Variants in LAMA1 observed in about 807,000 individuals in gnomAD.
The protein encoded by LAMA1 is laminin subunit alpha-1.
Under a neutral mutation model 348.7 loss-of-function variants are expected in LAMA1, and 219 were observed. That is an observed-to-expected ratio of 0.63 (90% confidence interval 0.56 to 0.70). LAMA1 has a LOEUF of 0.70. LAMA1 is among the 30% of genes least tolerant of loss of function. The pLI is 0.00. For synonymous variants in LAMA1, 1,487 were observed against 1,491.0 expected (o/e 1.00, Z 0.06); for missense variants, 3,744 against 3,888.0 (o/e 0.96, Z 0.99).
chr18:7,107,364 C>T (rs933102717), intron 1 of LAMA1, among the ~76,000 whole-genome samples: 4 of 152,008 alleles, frequency 2.6e-5, no homozygotes, highest in Non-Finnish European at 4.4e-5. Context: ...GTGATCCACC[C>T]GCCTCCGCCT....
At chr18:7,019,285 C>T (rs1273913106) in intron 19 of LAMA1, among the ~76,000 whole-genome samples, 1 of 152,114 alleles carries the variant, frequency 6.6e-6, no homozygotes, top group Non-Finnish European at 1.5e-5. Flanking sequence ...ACCCCGTGAC[C>T]TCCCTCTCCC....
At chr18:7,117,605 C>T (rs2058363094) in intron 1 of LAMA1, 55 bp downstream of exon 1, 8 of 1,563,510 alleles carry the variant, frequency 5.1e-6, no homozygotes, top group South Asian at 1.1e-5. Flanking sequence ...TCCGCGGCCG[C>T]CCCCGCCCGC....
chr18:6,984,426 T>A (rs960250109), intron 39 of LAMA1, among the ~76,000 whole-genome samples: 30 of 152,150 alleles, frequency 2.0e-4, no homozygotes, highest in African/African-American at 6.8e-4. Flanking sequence ...ATTATGTAAA[T>A]CACTGATAAC....
Position 7,050,644 on chromosome 18 carries a change from G to A in LAMA1, c.588+50C>T, listed in dbSNP as rs187368545. 4,269 of 1,611,906 alleles carry A rather than the reference G, an allele frequency of 2.6e-3. 10 individuals are homozygous for A. The highest frequency in any genetic ancestry group is 2.6e-3 in the Non-Finnish European group (3,081 of 1,179,802). On this transcript the variant is annotated intron_variant, in intron 4 of 62. Transcript: ENST00000389658. ...GAGATCAATTTTGAGTCTGAGACAG[G>A]GAGACTCTGATGAGGAAACAGATCT...
chr18:7,093,149 G>A (rs994859071), intron 1 of LAMA1, among the ~76,000 whole-genome samples: 23 of 152,300 alleles, frequency 1.5e-4, no homozygotes, highest in African/African-American at 5.1e-4. Context: ...GGGCACAGTG[G>A]CTCACGCCTG....
chr18:7,085,018 T>A (rs776944283), intron 1 of LAMA1, among the ~76,000 whole-genome samples: 5 of 151,564 alleles, frequency 3.3e-5, no homozygotes, highest in Non-Finnish European at 7.4e-5. Flanking sequence ...AAGTATGAGG[T>A]TTTTTTTCCA....
Position 6,964,698 on chromosome 18 carries a change from A to C in LAMA1, c.7301T>G (p.Ile2434Ser). The C allele has an allele frequency of 1.9e-6, 3 of 1,613,998 alleles. No homozygotes were observed. The highest frequency in any genetic ancestry group is 2.5e-6 in the Non-Finnish European group (3 of 1,179,920). ...SDLNRLDKDP[I>S]YVGGLPRSRV... The stretch of plus-strand genomic sequence containing the variant: ...TGACCTTGGTAATCCACCCACATAA[A>C]TCGGGTCCTTGTCTAGGCGGTTGAG... The change falls in exon 51 of 63, where the codon ATT becomes AGT. Residue 2434 changes from isoleucine to serine, a missense_variant. By Grantham distance (142) the Ile-to-Ser change is moderately radical (BLOSUM62 -2). Transcript: ENST00000389658.
At chr18:7,047,643 G>A (rs1004859201) in intron 5 of LAMA1, among the ~76,000 whole-genome samples, 4 of 152,032 alleles carry the variant, frequency 2.6e-5, no homozygotes, top group Admixed American at 2.6e-4. Context: ...AAGACCTACT[G>A]TAAAGCTACA....
Position 7,009,241 on chromosome 18 carries a change from G to C in LAMA1, c.3999C>G (p.Ser1333Arg). The part of the protein sequence containing the change: ...KASYGQGLQQ[S>R]RISDISMEVG... ...AAAATTCTAGAAGCTCCAAGTACCTGCTCTGCTGTAATCCTTGACCATACG... is the reference window on the plus strand; with the variant it reads ...AAAATTCTAGAAGCTCCAAGTACCTCCTCTGCTGTAATCCTTGACCATACG... Residue 1333 changes from serine to arginine, a missense_variant and splice_region_variant, in exon 27 of 63, where the codon AGC becomes AGG. Ser to Arg is a moderately radical substitution (Grantham distance 110). Around this residue, in one of 3 missense-constraint regions of LAMA1, gnomAD observed 1,983 missense variants for 1,934.3 expected, o/e 1.03. Coordinates refer to ENST00000389658, the MANE Select transcript of LAMA1 (RefSeq NM_005559.4). 6.2e-7 allele frequency: 1 copy of C among 1,614,118 alleles called. No homozygotes were observed. The highest frequency in any genetic ancestry group is 8.5e-7 in the Non-Finnish European group (1 of 1,180,002).
chr18:7,108,662 A>AAAAAAAAAAAAAAAAAAAAT (rs1157975391), intron 1 of LAMA1, among the ~76,000 whole-genome samples: 1 of 149,698 alleles, frequency 6.7e-6, no homozygotes, highest in East Asian at 1.9e-4. Flanking sequence ...AAAAAAAAAA[A>AAAAAAAAAAAAAAAAAAAAT]AAAAAGCTAA....
At chr18:6,968,254 G>A (rs1017843113) in intron 48 of LAMA1, among the ~76,000 whole-genome samples, 1 of 152,148 alleles carries the variant, frequency 6.6e-6, no homozygotes, top group Non-Finnish European at 1.5e-5. Flanking sequence ...GCTCAGCCCC[G>A]TGAGTCTGGA....
intron 30 of LAMA1, among the ~76,000 whole-genome samples, chr18:7,001,792 T>A (rs2057808913): frequency 6.6e-6 from 1 of 152,196 alleles, no homozygotes; most frequent in Non-Finnish European, 1.5e-5. Flanking sequence ...TGTACAAGCA[T>A]CATAAGTACA....
Position 7,008,538 on chromosome 18 carries a change from G to A in LAMA1, c.4072C>T (p.Leu1358Phe), listed in dbSNP as rs2057843831. The A allele has an allele frequency of 7.4e-6, 12 of 1,613,978 alleles. No individual in the cohort carries two copies. The highest frequency in any genetic ancestry group is 1.0e-5 in the Non-Finnish European group (12 of 1,180,008). ...KLHPEEEVASLLENCVCPPGT... is the reference protein window; with the variant it reads ...KLHPEEEVASFLENCVCPPGT... The stretch of plus-strand genomic sequence containing the variant: ...GGAGGACAGACACAATTCTCTAAAA[G>A]AGATGCAACCTCTTCTTCTGGGTGC... Residue 1358 changes from leucine (L) to phenylalanine (F), a missense_variant, in exon 28 of 63, where the codon CTT becomes TTT. By Grantham distance (22) the Leu-to-Phe change is conservative. Transcript: ENST00000389658.
At chr18:6,945,561 T>C (rs192459431) in intron 61 of LAMA1, among the ~76,000 whole-genome samples, 2 of 152,218 alleles carry the variant, frequency 1.3e-5, no homozygotes, top group East Asian at 3.9e-4. Context: ...ACAACAAACA[T>C]TGACCACAGT....
At chr18:6,975,106 C>T in intron 45 of LAMA1, 70 bp from the exon 46 acceptor site, 2 of 1,537,072 alleles carry the variant, frequency 1.3e-6, no homozygotes, top group Non-Finnish European at 1.8e-6. Context: ...CAACACTTTA[C>T]AGAGTCAATT....
At chr18:6,966,863 T>A (rs1159799788) in intron 48 of LAMA1, among the ~76,000 whole-genome samples, 1 of 152,220 alleles carries the variant, frequency 6.6e-6, no homozygotes, top group Non-Finnish European at 1.5e-5. Flanking sequence ...AGGGATATAA[T>A]ACGGCCCAGG....
chr18:7,085,422 T>G (rs1311752745), intron 1 of LAMA1, among the ~76,000 whole-genome samples: 21 of 141,684 alleles, frequency 1.5e-4, no homozygotes, highest in Admixed American at 1.4e-3. Flanking sequence ...TCTTTTTTTT[T>G]TTTTTTTTTT....
At chr18:7,116,584 C>G (rs997150973) in intron 1 of LAMA1, among the ~76,000 whole-genome samples, 11 of 152,200 alleles carry the variant, frequency 7.2e-5, no homozygotes, top group Non-Finnish European at 1.3e-4. Context: ...ATTCCGCCCA[C>G]TACTTTTGAC....
rs2057660525 is a variant in LAMA1, at chr18:6,971,954, A to C, written c.6802T>G (p.Phe2268Val). Reference sequence around the variant, plus strand: ...AAGGCCTCCCCCAAGCAGCCTTTAAAATGAGTAACCTTCACAGCAGGAGAT... The same window carrying C: ...AAGGCCTCCCCCAAGCAGCCTTTAACATGAGTAACCTTCACAGCAGGAGAT... ...KKSPAVKVTH[F>V]KGCLGEAFLN... The change falls in exon 48 of 63, where the codon TTT becomes GTT. Residue 2268 changes from phenylalanine to valine, a missense_variant. This residue lies in a region of LAMA1 where 1,983 missense variants were observed against 1,934.3 expected (regional missense o/e 1.03). Transcript: ENST00000389658. 1 of 1,614,092 alleles carries C rather than the reference A, an allele frequency of 6.2e-7. No homozygotes were observed.
Sources: allele counts gnomAD v4.1 joint callset (sites outside exome capture counted in the v4.1 genomes callset), GRCh38; gene constraint gnomAD v4.1.1; regional missense constraint gnomAD v4.1.1; transcripts MANE v1.5; gene names NCBI Gene and HGNC (gene_info 2026-07-23, HGNC 2026-07-21).